The following HECW1 variants were observed in gnomAD, a reference collection of about 807,000 sequenced individuals.
HECW1 encodes E3 ubiquitin-protein ligase HECW1.
A neutral mutation model predicts 182.3 loss-of-function variants in HECW1; 61 were observed. The observed-to-expected ratio is 0.33, with a 90% CI of 0.27 to 0.41. The LOEUF (loss-of-function observed/expected upper bound fraction) is 0.41, where lower values mean the gene tolerates loss of function less well. Ranked by LOEUF, HECW1 falls within the 10% of genes least tolerant of loss-of-function variation. The pLI, the probability that HECW1 is intolerant of heterozygous loss-of-function variation, is 1.00. For synonymous variants in HECW1, 859 were observed against 832.6 expected (o/e 1.03, Z -0.55); for missense variants, 1,739 against 2,108.9 (o/e 0.82, Z 3.44).
intron 17 of HECW1, among the ~76,000 whole-genome samples, chr7:43,483,879 A>G (rs894614732): frequency 1.2e-4 from 19 of 152,080 alleles, no homozygotes; most frequent in African/African-American, 4.6e-4. Context: ...GAAGACAATG[A>G]AAGCCAAGAA....
At chr7:43,196,008 G>T in intron 2 of HECW1, among the ~76,000 whole-genome samples, 1 of 152,196 alleles carries the variant, frequency 6.6e-6, no homozygotes, top group Non-Finnish European at 1.5e-5. Context: ...GTTGGGTCCA[G>T]TCGGTCTTAG....
chr7:43,139,989 GC>G (rs1338897271), intron 2 of HECW1, among the ~76,000 whole-genome samples: 3 of 152,106 alleles, frequency 2.0e-5, no homozygotes, highest in Non-Finnish European at 4.4e-5. Context: ...AAAGTTCTTA[GC>G]CCAGTGCCTA....
At chr7:43,294,971 A>T (rs565507170) in intron 3 of HECW1, among the ~76,000 whole-genome samples, 1 of 152,240 alleles carries the variant, frequency 6.6e-6, no homozygotes, top group African/African-American at 2.4e-5. Flanking sequence ...ACATTGATTC[A>T]GTCCGGAAAG....
chr7:43,477,293 C>T, intron 16 of HECW1, among the ~76,000 whole-genome samples: 1 of 152,132 alleles, frequency 6.6e-6, no homozygotes, highest in East Asian at 1.9e-4. Context: ...ATTTTTCTAA[C>T]TTTAACCAAG....
intron 11 of HECW1, among the ~76,000 whole-genome samples, chr7:43,447,886 G>A (rs2077109719): frequency 6.6e-6 from 1 of 152,162 alleles, no homozygotes; most frequent in African/African-American, 2.4e-5. Flanking sequence ...AGCACTTTGG[G>A]AGGCCGAGGT....
chr7:43,288,145 C>T (rs1249518638), intron 3 of HECW1, among the ~76,000 whole-genome samples: 1 of 152,108 alleles, frequency 6.6e-6, no homozygotes, highest in Non-Finnish European at 1.5e-5. Context: ...TCTCTTCTTT[C>T]TCTAGGGCTT....
At chr7:43,373,305 AT>A (rs1490772068) in intron 6 of HECW1, among the ~76,000 whole-genome samples, 1 of 146,222 alleles carries the variant, frequency 6.8e-6, no homozygotes, top group African/African-American at 2.6e-5. Context: ...TGCCTCTTAG[AT>A]TCAAGTGATT....
intron 24 of HECW1, 111 bp downstream of exon 24, chr7:43,509,232 A>G (rs1396668727): frequency 7.9e-6 from 8 of 1,007,934 alleles, no homozygotes; most frequent in Non-Finnish European, 1.2e-5. Context: ...GCCAGATGTT[A>G]TGAGGGATGA....
chr7:43,205,626 A>C (rs1795398976), intron 2 of HECW1, among the ~76,000 whole-genome samples: 1 of 152,168 alleles, frequency 6.6e-6, no homozygotes, highest in Non-Finnish European at 1.5e-5. Context: ...TGTCTGCAGT[A>C]AGAATGTCGC....
chr7:43,313,376 T>A (rs995381133), intron 4 of HECW1, among the ~76,000 whole-genome samples: 1 of 151,964 alleles, frequency 6.6e-6, no homozygotes, highest in African/African-American at 2.4e-5. Flanking sequence ...TTGCTCTTGT[T>A]GCACAGGCTG....
chr7:43,286,660 G>C (rs926291908), intron 3 of HECW1, among the ~76,000 whole-genome samples: 1 of 152,136 alleles, frequency 6.6e-6, no homozygotes, highest in Non-Finnish European at 1.5e-5. Context: ...CCCGGTAAAA[G>C]TTCAAACTGC....
intron 2 of HECW1, among the ~76,000 whole-genome samples, chr7:43,130,729 C>G (rs1056536932): frequency 1.4e-4 from 21 of 152,124 alleles, no homozygotes; most frequent in Non-Finnish European, 2.8e-4. Context: ...GTGTGGTGCA[C>G]ATGAATTTTG....
chr7:43,397,021 G>A, intron 7 of HECW1, 132 bp downstream of exon 7: 1 of 697,046 alleles, frequency 1.4e-6, no homozygotes, highest in Non-Finnish European at 2.6e-6. Flanking sequence ...AATCTGTAAA[G>A]CAAAAATGTT....
intron 2 of HECW1, among the ~76,000 whole-genome samples, chr7:43,232,215 A>C (rs1418176159): frequency 6.6e-6 from 1 of 152,050 alleles, no homozygotes; most frequent in African/African-American, 2.4e-5. Context: ...GAAGAAAGAC[A>C]TCCTTAAATG....
intron 5 of HECW1, among the ~76,000 whole-genome samples, chr7:43,354,766 C>G (rs1268815029): frequency 6.6e-6 from 1 of 152,068 alleles, no homozygotes; most frequent in Non-Finnish European, 1.5e-5. Flanking sequence ...CAGAACACTT[C>G]CCAAAACTTG....
At chr7:43,327,971 T>TATTATTATTATTATTATC (rs1811008650) in intron 5 of HECW1, among the ~76,000 whole-genome samples, 1 of 148,770 alleles carries the variant, frequency 6.7e-6, no homozygotes, top group African/African-American at 2.5e-5. Flanking sequence ...ATATTATTAT[T>TATTATTATTATTATTATC]ATTATTATTA....
In HECW1 at chr7:43,500,692, G is replaced by T. The variant is rs751853856; in HGVS notation, c.3438-7G>T. Reference sequence around the variant, plus strand: ...CTAATTTTCCTCTTCTTTCTCACATGATTCAGGGAGAAAATCCATTACATT... The same window carrying T: ...CTAATTTTCCTCTTCTTTCTCACATTATTCAGGGAGAAAATCCATTACATT... On this transcript the variant is annotated splice_polypyrimidine_tract_variant and splice_region_variant and intron_variant, in intron 19 of 29. Coordinates refer to ENST00000395891, the MANE Select transcript of HECW1 (RefSeq NM_015052.5). 6.2e-7 allele frequency: 1 copy of T among 1,608,630 alleles called. No homozygotes were observed. The highest frequency in any genetic ancestry group is 2.2e-5 in the East Asian group (1 of 44,862).
intron 2 of HECW1, among the ~76,000 whole-genome samples, chr7:43,164,058 G>T (rs566754495): frequency 6.6e-6 from 1 of 152,298 alleles, no homozygotes; most frequent in Non-Finnish European, 1.5e-5. Flanking sequence ...GCAGCGAAGA[G>T]AGCGGTTGGA....
At chr7:43,369,303 A>G (rs1817021628) in intron 6 of HECW1, among the ~76,000 whole-genome samples, 1 of 152,194 alleles carries the variant, frequency 6.6e-6, no homozygotes, top group South Asian at 2.1e-4. Flanking sequence ...TACTAAAAAT[A>G]CAAAATTTGC....
Sources: gnomAD v4.1 joint callset for allele counts (sites outside exome capture counted in the v4.1 genomes callset) on GRCh38, gnomAD v4.1.1 for gene constraint, MANE v1.5 for transcripts, NCBI Gene and HGNC (gene_info 2026-07-23, HGNC 2026-07-21) for gene names.